FLRT2: variants seen among roughly 807,000 people sequenced by gnomAD.
FLRT2 encodes leucine-rich repeat transmembrane protein FLRT2.
Under a neutral mutation model 40.0 loss-of-function variants are expected in FLRT2, and 15 were observed. The ratio of observed to expected loss-of-function variants is 0.38; its 90% CI spans 0.25 to 0.58. The LOEUF (loss-of-function observed/expected upper bound fraction) is 0.58. Ranked by LOEUF, FLRT2 falls within the 20% of genes least tolerant of loss-of-function variation. FLRT2 has a pLI of 0.71. For synonymous variants in FLRT2, 380 were observed against 336.8 expected (o/e 1.13, Z -1.41); for missense variants, 726 against 840.0 (o/e 0.86, Z 1.68).
chr14:85,562,401 G>A (rs1890390584), intron 1 of FLRT2, among the ~76,000 whole-genome samples: 1 of 152,168 alleles, frequency 6.6e-6, no homozygotes, highest in Admixed American at 6.5e-5. Flanking sequence ...GTGTTTCAAT[G>A]CAATCTCTGC....
rs1893375337 is a variant in FLRT2 at position 85,621,462 on chromosome 14, T to C, written c.-53T>C. ...TCATTTTGATTTTGCTGTTTATTTT[T>C]TTTTTCTTTTTCTTTTTCCCACCAC... On this transcript the variant is annotated 5_prime_UTR_variant, in exon 2 of 2. Transcript: ENST00000330753. The C allele has an allele frequency of 6.7e-7, 1 of 1,499,948 alleles. No homozygotes were observed. Among genetic ancestry groups the C allele is most frequent in the Non-Finnish European group, 9.0e-7 (1 of 1,116,208 alleles). 92.9% of individuals were successfully genotyped at this position (1,499,948 alleles called of 1,614,324 possible).
chr14:85,588,259 T>C (rs1017055262), intron 1 of FLRT2, among the ~76,000 whole-genome samples: 19 of 152,280 alleles, frequency 1.2e-4, no homozygotes, highest in African/African-American at 4.6e-4. Context: ...CGGGCCTTAA[T>C]ATTACTAAGA....
In FLRT2 at chr14:85,652,261, T is replaced by A. The variant is rs1298957555; in HGVS notation, c.*28764T>A. ...TTGAGTTTATGTATTATTTGAAGAA[T>A]CTCTAAATAGCACTATTAAGTGCTC... On this transcript the variant is annotated 3_prime_UTR_variant, in exon 2 of 2. Transcript: ENST00000330753. 2 of 152,140 alleles carry A rather than the reference T, an allele frequency of 1.3e-5. No individual in the cohort carries two copies. The highest frequency in any genetic ancestry group is 2.9e-5 in the Non-Finnish European group (2 of 67,980). The allele number at this position is 152,140 out of a possible 1,614,324, so 9.4% of individuals were successfully genotyped here.
intron 1 of FLRT2, among the ~76,000 whole-genome samples, chr14:85,597,739 T>C (rs1595068553): frequency 1.3e-5 from 2 of 152,218 alleles, no homozygotes; most frequent in East Asian, 3.9e-4. Context: ...CGGCCAACTT[T>C]AAGACATTTA....
intron 1 of FLRT2, among the ~76,000 whole-genome samples, chr14:85,532,261 G>A (rs1888331556): frequency 1.3e-5 from 2 of 152,188 alleles, no homozygotes; most frequent in Admixed American, 1.3e-4. Flanking sequence ...CCCACCGACG[G>A]CGCGTCTCGG....
chr14:85,603,014 A>G (rs573403416), intron 1 of FLRT2, among the ~76,000 whole-genome samples: 1 of 152,316 alleles, frequency 6.6e-6, no homozygotes, highest in East Asian at 1.9e-4. Flanking sequence ...TTTATCTTAA[A>G]TGCCCTGTTC....
chr14:85,570,447 T>C (rs1217155482), intron 1 of FLRT2, among the ~76,000 whole-genome samples: 3 of 152,134 alleles, frequency 2.0e-5, no homozygotes, highest in Admixed American at 6.5e-5. Context: ...TTTAAAACAT[T>C]GCATAGGTGT....
chr14:85,557,632 G>A (rs914833961), intron 1 of FLRT2, among the ~76,000 whole-genome samples: 1 of 152,000 alleles, frequency 6.6e-6, no homozygotes, highest in South Asian at 2.1e-4. Flanking sequence ...CCAATATGAT[G>A]AAACTAAAAT....
chr14:85,573,815 T>C (rs1891004683), intron 1 of FLRT2, among the ~76,000 whole-genome samples: 1 of 152,254 alleles, frequency 6.6e-6, no homozygotes, highest in African/African-American at 2.4e-5. Context: ...CATGATCTCC[T>C]TTTGACATTC....
chr14:85,577,081 G>A (rs973030538), intron 1 of FLRT2, among the ~76,000 whole-genome samples: 2 of 152,116 alleles, frequency 1.3e-5, no homozygotes, highest in East Asian at 1.9e-4. Flanking sequence ...AACGATGAGC[G>A]ATTTGTAATG....
At chr14:85,563,860 T>C (rs1171856732) in intron 1 of FLRT2, among the ~76,000 whole-genome samples, 1 of 152,186 alleles carries the variant, frequency 6.6e-6, no homozygotes, top group Non-Finnish European at 1.5e-5. Context: ...ATGTTCTATT[T>C]CCTCTTAGGT....
In FLRT2 at chr14:85,640,950, C is replaced by G. The variant is rs1213182417; in HGVS notation, c.*17453C>G. 6.6e-5 allele frequency: 10 copies of G among 152,288 alleles called. No individual in the cohort carries two copies. In the South Asian group the frequency reaches 2.1e-3, roughly 32 times the overall value. The allele number at this position is 152,288 out of a possible 1,614,324, so 9.4% of individuals were successfully genotyped here. Reference sequence around the variant, plus strand: ...CTTCCCCGTGACCTTGGGCAAGTTGCTTAAACTGTAGCCATAATTTCCTCA... The same window carrying G: ...CTTCCCCGTGACCTTGGGCAAGTTGGTTAAACTGTAGCCATAATTTCCTCA... On this transcript the variant is annotated 3_prime_UTR_variant, in exon 2 of 2. Coordinates refer to ENST00000330753, the MANE Select transcript of FLRT2 (RefSeq NM_013231.6).
intron 1 of FLRT2, among the ~76,000 whole-genome samples, chr14:85,601,430 G>C (rs2746997): frequency 3.9e-5 from 6 of 151,970 alleles, no homozygotes; most frequent in Admixed American, 1.3e-4. Context: ...AACATCACCA[G>C]TTCCCTGGGG....
At chr14:85,538,058 A>G (rs1201410092) in intron 1 of FLRT2, among the ~76,000 whole-genome samples, 1 of 152,130 alleles carries the variant, frequency 6.6e-6, no homozygotes, top group Non-Finnish European at 1.5e-5. Flanking sequence ...TTCTCTTGCA[A>G]GCCTCCCACT....
In FLRT2 at chr14:85,632,982, G is replaced by C. The variant is rs796099566; in HGVS notation, c.*9485G>C. On this transcript the variant is annotated 3_prime_UTR_variant, in exon 2 of 2. Transcript: ENST00000330753. ...TATATAGTAGTTGACAGAGTATCTG[G>C]TACTGAGTATACATTGAATAAATGA... 1.4e-4 allele frequency: 22 copies of C among 152,236 alleles called. No individual in the cohort carries two copies. The highest frequency in any genetic ancestry group is 5.3e-4 in the African/African-American group (22 of 41,514). 9.4% of individuals were successfully genotyped at this position (152,236 alleles called of 1,614,324 possible). A position where few individuals can be genotyped will look rare whatever the true frequency, so the allele number is the denominator to read the frequency against.
intron 1 of FLRT2, among the ~76,000 whole-genome samples, chr14:85,534,943 T>A (rs145491001): frequency 2.6e-5 from 4 of 152,172 alleles, no homozygotes; most frequent in South Asian, 4.2e-4. Context: ...ACTCATCCTG[T>A]CTTCTCCTGT....
chr14:85,638,481 G>C lies in FLRT2; in HGVS notation c.*14984G>C, dbSNP rs558981436. 8.1e-4 allele frequency: 123 copies of C among 152,406 alleles called. No homozygotes were observed. The highest frequency in any genetic ancestry group is 2.9e-3 in the African/African-American group (119 of 41,520). The allele number at this position is 152,406 out of a possible 1,614,324, so 9.4% of individuals were successfully genotyped here. On this transcript the variant is annotated 3_prime_UTR_variant, in exon 2 of 2. Coordinates refer to ENST00000330753, the MANE Select transcript of FLRT2 (RefSeq NM_013231.6). ...CATGGCTTTACTTCTCCCTCTACCA[G>C]TCCTGGTTCTTCATAGCCTTCCACA...
At chr14:85,599,636 A>G (rs1236939593) in intron 1 of FLRT2, among the ~76,000 whole-genome samples, 1 of 152,190 alleles carries the variant, frequency 6.6e-6, no homozygotes, top group Admixed American at 6.5e-5. Context: ...CTTAAGTTGT[A>G]CCTTAGCCAT....
At chr14:85,612,440 T>C (rs1170004759) in intron 1 of FLRT2, among the ~76,000 whole-genome samples, 1 of 152,154 alleles carries the variant, frequency 6.6e-6, no homozygotes, top group East Asian at 1.9e-4. Context: ...TCCTTAAGAG[T>C]ATTGTGCAAC....
Sources: allele counts gnomAD v4.1 joint callset (sites outside exome capture counted in the v4.1 genomes callset), GRCh38; gene constraint gnomAD v4.1.1; transcripts MANE v1.5; gene names NCBI Gene and HGNC (gene_info 2026-07-23, HGNC 2026-07-21).